Variants in MAP3K5 observed in about 807,000 individuals in gnomAD.
MAP3K5 encodes ASK-1.
MAP3K5 carries 56 observed loss-of-function variants against 158.7 expected under a neutral mutation model. The observed-to-expected ratio is 0.35, with a 90% CI of 0.28 to 0.44. The LOEUF (loss-of-function observed/expected upper bound fraction) is 0.44, where lower values mean the gene tolerates loss of function less well. Ranked by LOEUF, MAP3K5 falls within the 20% of genes least tolerant of loss-of-function variation. The pLI, the probability that MAP3K5 is intolerant of heterozygous loss-of-function variation, is 1.00. For synonymous variants in MAP3K5, 579 were observed against 601.7 expected (o/e 0.96, Z 0.55); for missense variants, 1,294 against 1,674.8 (o/e 0.77, Z 3.97).
At chr6:136,593,153 A>C (rs1289651103) in intron 21 of MAP3K5, among the ~76,000 whole-genome samples, 2 of 152,222 alleles carry the variant, frequency 1.3e-5, no homozygotes, top group African/African-American at 4.8e-5. Context: ...GTTCTGCTTA[A>C]GGATTCATAT....
At chr6:136,744,829 T>TACCC (rs1782864300) in intron 1 of MAP3K5, among the ~76,000 whole-genome samples, 2 of 152,030 alleles carry the variant, frequency 1.3e-5, no homozygotes, top group Admixed American at 6.6e-5. Context: ...TGGTCTGGGG[T>TACCC]GTAGGGTGGC....
intron 26 of MAP3K5, among the ~76,000 whole-genome samples, chr6:136,564,587 A>C (rs73554174): frequency 6.4e-4 from 98 of 152,356 alleles, no homozygotes; most frequent in African/African-American, 2.3e-3. Flanking sequence ...TTGCTAATTT[A>C]TACGTATAAG....
chr6:136,754,588 A>T (rs1783386268), intron 1 of MAP3K5, among the ~76,000 whole-genome samples: 1 of 130,866 alleles, frequency 7.6e-6, no homozygotes. Flanking sequence ...CTCTCAAAAA[A>T]AAAAAAGAAA....
chr6:136,723,380 T>G (rs1374166957), intron 1 of MAP3K5, among the ~76,000 whole-genome samples: 1 of 152,110 alleles, frequency 6.6e-6, no homozygotes, highest in African/African-American at 2.4e-5. Context: ...ATTAAAAATA[T>G]AATGTATACA....
chr6:136,710,747 G>C (rs1011566603), intron 2 of MAP3K5, among the ~76,000 whole-genome samples: 3 of 152,140 alleles, frequency 2.0e-5, no homozygotes, highest in Admixed American at 6.6e-5. Flanking sequence ...CTTCCTGAAA[G>C]AAGAGAAAGG....
At position 136,792,128 on chromosome 6, in the gene MAP3K5, A is replaced by G. The variant is rs1436307647; in HGVS notation, c.30T>C (p.Thr10=). Reference sequence around the variant, plus strand: ...AGGGGGCGAAGGGTGGCACAGAGAAAGTGATGCCCTCGTCCGCCTCCGTGC... The same window carrying G: ...AGGGGGCGAAGGGTGGCACAGAGAAGGTGATGCCCTCGTCCGCCTCCGTGC... MSTEADEGI[T]FSVPPFAPSG... is the part of the protein sequence containing the mutation. The change falls in exon 1 of 30, where the codon ACT becomes ACC. Residue 10 remains threonine, a synonymous_variant. Coordinates refer to ENST00000359015, the MANE Select transcript of MAP3K5 (RefSeq NM_005923.4). This position sits in a 1 kb window ranked among gnomAD's most constrained non-coding sequence, Gnocchi z 5.7. 1 of 1,582,040 alleles carries G rather than the reference A, an allele frequency of 6.3e-7. No homozygotes were observed.
intron 2 of MAP3K5, among the ~76,000 whole-genome samples, chr6:136,714,813 T>C (rs534377087): frequency 1.3e-5 from 2 of 152,300 alleles, no homozygotes; most frequent in Admixed American, 6.5e-5. Flanking sequence ...TAAGGGCTAA[T>C]TTAGTGAAAT....
At chr6:136,639,743 T>C (rs1238403386) in intron 12 of MAP3K5, 105 bp from the exon 13 acceptor site, 9 of 612,122 alleles carry the variant, frequency 1.5e-5, no homozygotes, top group Non-Finnish European at 2.0e-5. Flanking sequence ...TATATCAATG[T>C]TGTTTATAAC....
chr6:136,622,785 C>A, intron 15 of MAP3K5, 63 bp downstream of exon 15: 1 of 1,530,242 alleles, frequency 6.5e-7, no homozygotes. Flanking sequence ...CAAGTATTTT[C>A]TAAAATACTG....
chr6:136,611,285 TA>T lies in MAP3K5; in HGVS notation c.2517del (p.Phe839LeufsTer12). On this transcript the variant is annotated frameshift_variant, in exon 18 of 30. Transcript: ENST00000359015. LOFTEE classifies it high-confidence loss of function. ...LAGINPCTET[F>X]TGTLQYMAPE... The stretch of plus-strand genomic sequence containing the variant: ...TATCATCATTGCAAAAACATACCAG[TA>T]AAAGTTTCAGTACAGGGGTTTATGC... The T allele has an allele frequency of 6.2e-7, 1 of 1,603,634 alleles. No individual in the cohort carries two copies. The highest frequency in any genetic ancestry group is 8.5e-7 in the Non-Finnish European group (1 of 1,170,848).
At chr6:136,672,228 G>A (rs1583391647) in intron 7 of MAP3K5, among the ~76,000 whole-genome samples, 1 of 152,244 alleles carries the variant, frequency 6.6e-6, no homozygotes, top group South Asian at 2.1e-4. Context: ...TTCTGCTTCA[G>A]TAATTAGGGG....
chr6:136,706,136 CA>C (rs1186543137), intron 2 of MAP3K5, among the ~76,000 whole-genome samples: 20 of 152,138 alleles, frequency 1.3e-4, no homozygotes, highest in African/African-American at 4.6e-4. Context: ...CACATGACTG[CA>C]TGACTGTAAT....
chr6:136,601,801 C>G lies in MAP3K5; in HGVS notation c.2857+1G>C. ...ATATCCTCTTCAATGCAACCACATA[C>G]CTGAAAGCTTAGGTTGTGTCTTTTT... On this transcript the variant is annotated splice_donor_variant, in intron 20 of 29. Coordinates refer to ENST00000359015, the MANE Select transcript of MAP3K5 (RefSeq NM_005923.4). LOFTEE classifies it high-confidence loss of function. 2 of 1,613,814 alleles carry G rather than the reference C, an allele frequency of 1.2e-6. No homozygotes were observed. The highest frequency in any genetic ancestry group is 1.7e-6 in the Non-Finnish European group (2 of 1,179,892).
chr6:136,753,275 T>C (rs1250057236), intron 1 of MAP3K5, among the ~76,000 whole-genome samples: 1 of 152,252 alleles, frequency 6.6e-6, no homozygotes, highest in Non-Finnish European at 1.5e-5. Flanking sequence ...AATAGGCCTT[T>C]ACTGCTTTTT....
chr6:136,694,919 T>C (rs1780537317), intron 6 of MAP3K5, among the ~76,000 whole-genome samples: 1 of 152,178 alleles, frequency 6.6e-6, no homozygotes, highest in South Asian at 2.1e-4. Context: ...GAAAATATTA[T>C]GCTAAGTGAA....
At chr6:136,641,042 T>A (rs1777906745) in intron 12 of MAP3K5, among the ~76,000 whole-genome samples, 1 of 152,222 alleles carries the variant, frequency 6.6e-6, no homozygotes. Context: ...TATGATAAAG[T>A]GAAATTTACA....
chr6:136,637,238 C>T (rs1376226099), intron 14 of MAP3K5, 87 bp downstream of exon 14: 18 of 1,288,660 alleles, frequency 1.4e-5, no homozygotes, highest in South Asian at 2.4e-5. Context: ...TCCTACCCCT[C>T]ATACACCCTG....
At chr6:136,684,053 G>A (rs376047589) in intron 7 of MAP3K5, among the ~76,000 whole-genome samples, 4 of 151,880 alleles carry the variant, frequency 2.6e-5, no homozygotes, top group Non-Finnish European at 5.9e-5. Flanking sequence ...GCCACATAGC[G>A]AGATCCCATC....
In MAP3K5 at chr6:136,592,439, CAA is replaced by C; in HGVS notation, c.3052_3053del (p.Leu1018GlyfsTer5). On this transcript the variant is annotated frameshift_variant, in exon 22 of 30. Transcript: ENST00000359015. LOFTEE classifies it high-confidence loss of function. ...CCCCAAGTAAGTCAGGTCTTTACCCCAAAAAGAGTGTCCGAATTCCCTTGACA... is the reference window on the plus strand; with the variant it reads ...CCCCAAGTAAGTCAGGTCTTTACCCCAAAGAGTGTCCGAATTCCCTTGACA... ...RDVKGIRTLFLGIPDENFEDH... is the reference protein window; with the variant it reads ...RDVKGIRTLFXGIPDENFEDH... 6 of 1,613,792 alleles carry C rather than the reference CAA, an allele frequency of 3.7e-6. No homozygotes were observed. The highest frequency in any genetic ancestry group is 5.1e-6 in the Non-Finnish European group (6 of 1,179,880).
Sources: allele counts gnomAD v4.1 joint callset (sites outside exome capture counted in the v4.1 genomes callset), GRCh38; gene constraint gnomAD v4.1.1; non-coding constraint Gnocchi (gnomAD v3.1); transcripts MANE v1.5; gene names NCBI Gene and HGNC (gene_info 2026-07-23, HGNC 2026-07-21).